The following BCAR1 variants were observed in gnomAD, a reference collection of about 807,000 sequenced individuals.
The protein encoded by BCAR1 is BCAR1 scaffold protein, Cas family member, also known as breast cancer anti-estrogen resistance protein 1.
In BCAR1, 30 loss-of-function variants were observed where a neutral mutation model predicts 67.6. The ratio of observed to expected loss-of-function variants is 0.44; its 90% CI spans 0.33 to 0.60. BCAR1 has a LOEUF of 0.60. BCAR1 is among the 20% of genes least tolerant of loss of function. BCAR1 has a pLI of 0.02. For missense variants in BCAR1, 1,313 were observed against 1,222.3 expected (o/e 1.07, Z -1.11); for synonymous variants, 626 against 556.7 (o/e 1.12, Z -1.75).
rs943933114 is a variant in BCAR1 at position 75,230,155 on chromosome 16, C to T, written c.2101-132G>A. ...CAGAGTGCATGGGACTGCAGGGAAA[C>T]GGGCAGTCTCCTCTCCCGGGGACGG... On this transcript the variant is annotated intron_variant, in intron 6 of 6. Transcript: ENST00000162330. 30 of 1,135,228 alleles carry T rather than the reference C, an allele frequency of 2.6e-5. 1 individual carries two copies. The Admixed American group carries it at 5.8e-4, about 22-fold the overall frequency. 70.3% of individuals were successfully genotyped at this position (1,135,228 alleles called of 1,614,324 possible).
chr16:75,252,344 T>C, upstream of BCAR1: 1 of 1,532,696 alleles, frequency 6.5e-7, no homozygotes, highest in Non-Finnish European at 8.7e-7. Flanking sequence ...CCTAGTACCC[T>C]CCTGAGTCCT....
chr16:75,248,202 G>A, intron 1 of BCAR1: 1 of 1,557,688 alleles, frequency 6.4e-7, no homozygotes. Flanking sequence ...GTGACGCCTG[G>A]GTTCGTGGAA....
At chr16:75,230,513 A>G (rs2076867293) in intron 6 of BCAR1, among the ~76,000 whole-genome samples, 1 of 152,238 alleles carries the variant, frequency 6.6e-6, no homozygotes, top group Non-Finnish European at 1.5e-5. Flanking sequence ...ATTCAAATAT[A>G]TCAAACAGAA....
chr16:75,254,081 G>A (rs1008117175), upstream of BCAR1, among the ~76,000 whole-genome samples: 5 of 152,062 alleles, frequency 3.3e-5, no homozygotes, highest in East Asian at 1.9e-4. Flanking sequence ...GATTATAGGC[G>A]TGAGCCACTG....
chr16:75,253,082 G>A (rs2077711199), upstream of BCAR1, among the ~76,000 whole-genome samples: 1 of 152,216 alleles, frequency 6.6e-6, no homozygotes, highest in Non-Finnish European at 1.5e-5. Context: ...GAACAGAACA[G>A]CTAGCCAACA....
chr16:75,238,836 G>C (rs1009763637), intron 2 of BCAR1: 1 of 985,320 alleles, frequency 1.0e-6, no homozygotes, highest in African/African-American at 1.7e-5. Context: ...GACGTGGCAG[G>C]TTGGCTGGGC....
At chr16:75,238,382 G>C in intron 2 of BCAR1, 1 of 1,094,822 alleles carries the variant, frequency 9.1e-7, no homozygotes, top group Non-Finnish European at 1.1e-6. Context: ...GGGGATGTCT[G>C]GGACAGGGTT....
chr16:75,256,291 C>G (rs2077772289), upstream of BCAR1: 1 of 152,444 alleles, frequency 6.6e-6, no homozygotes, highest in Non-Finnish European at 1.5e-5. Context: ...CAAGCTGGAG[C>G]TGTTACCATA....
intron 1 of BCAR1, among the ~76,000 whole-genome samples, chr16:75,260,281 G>T (rs1017209926): frequency 6.6e-6 from 1 of 152,180 alleles, no homozygotes; most frequent in Non-Finnish European, 1.5e-5. Flanking sequence ...ACTTAAGCCA[G>T]GGTGATAGAG....
intron 1 of BCAR1, chr16:75,266,840 G>C: frequency 7.9e-7 from 1 of 1,266,158 alleles, no homozygotes; most frequent in Non-Finnish European, 1.0e-6. Context: ...GCCCACCCCA[G>C]GGAGGAAAGA....
upstream of BCAR1, chr16:75,251,933 C>G: frequency 1.9e-6 from 1 of 540,132 alleles, no homozygotes; most frequent in Non-Finnish European, 3.3e-6. Flanking sequence ...GCAAACTCCT[C>G]CACTTCTGGG....
rs555514187 is a variant in BCAR1, at chr16:75,259,620, A to C, written c.66+8295T>G. 2.6e-5 allele frequency among the ~76,000 whole-genome samples: 4 copies of C among 152,294 alleles called. No individual in the cohort carries two copies. In the South Asian group the frequency reaches 8.3e-4, roughly 32 times the overall value. The stretch of plus-strand genomic sequence containing the variant: ...GTAATCCTAGCCCTTTGGGAGGCGA[A>C]AGCGGGCGGATCACGAGGTCAGGAG... On this transcript the variant is annotated intron_variant, in intron 1 of 6. Transcript: ENST00000393422.
rs74660205 is a variant in BCAR1, at chr16:75,265,479, G to A, written c.66+2436C>T. On this transcript the variant is annotated intron_variant, in intron 1 of 6. Transcript: ENST00000393422. ...GCTAGGCCTAGCCGTCCTGGTGCGG[G>A]GTCCTGGCGGGCAACAGACTCCTGC... Among the ~76,000 whole-genome samples the A allele has an allele frequency of 3.3e-3, 501 of 152,260 alleles. 3 individuals are homozygous for A. The highest frequency in any genetic ancestry group is 8.1e-3 in the African/African-American group (338 of 41,552).
chr16:75,229,451 G>C lies in BCAR1; in HGVS notation c.*60C>G. On this transcript the variant is annotated 3_prime_UTR_variant, in exon 7 of 7. Coordinates refer to ENST00000162330, the MANE Select transcript of BCAR1 (RefSeq NM_014567.5). Reference sequence around the variant, plus strand: ...CTGTGGCACAGCGACTCTTGACATGGGAGCCAGGGAGCTGGGACCGCCGCA... The same window carrying C: ...CTGTGGCACAGCGACTCTTGACATGCGAGCCAGGGAGCTGGGACCGCCGCA... 6.9e-7 allele frequency: 1 copy of C among 1,455,972 alleles called. No homozygotes were observed. Among genetic ancestry groups the C allele is most frequent in the Non-Finnish European group, 9.1e-7 (1 of 1,104,910 alleles). 90.2% of individuals were successfully genotyped at this position (1,455,972 alleles called of 1,614,324 possible).
chr16:75,232,536 T>A (rs1449898613), intron 6 of BCAR1, among the ~76,000 whole-genome samples: 1 of 152,210 alleles, frequency 6.6e-6, no homozygotes, highest in Non-Finnish European at 1.5e-5. Context: ...CCTCAAGTGA[T>A]CCTCCTGCCT....
Position 75,235,229 on chromosome 16 carries a change from G to T in BCAR1, c.1670C>A (p.Ala557Glu). The change falls in exon 5 of 7, where the codon GCA (alanine) becomes GAA (glutamate). Residue 557 changes from alanine to glutamate, a missense_variant. Coordinates refer to ENST00000162330, the MANE Select transcript of BCAR1 (RefSeq NM_014567.5). ...KMEDVHQTLVAHGQALDAGRG... is the reference protein window; with the variant it reads ...KMEDVHQTLVEHGQALDAGRG... ...GCCAGCGTCGAGGGCCTGACCATGT[G>T]CCACCAGCGTCTGGTGCACGTCCTC... 1 of 1,606,982 alleles carries T rather than the reference G, an allele frequency of 6.2e-7. No homozygotes were observed. Among genetic ancestry groups the T allele is most frequent in the South Asian group, 1.1e-5 (1 of 90,972 alleles).
rs147754824 is a variant in BCAR1, at chr16:75,235,108, C to G, written c.1791G>C (p.Leu597=). The change falls in exon 5 of 7, where the codon CTG becomes CTC. Residue 597 remains leucine (L), a synonymous_variant. Transcript: ENST00000162330. The stretch of plus-strand genomic sequence containing the variant: ...TGAAGAGCAGTGAGGCATTGCCGTG[C>G]AGGAAGGAGGCCAGCTGCTTGGCGT... ...PEDAKQLASF[L]HGNASLLFRR... 6.2e-7 allele frequency: 1 copy of G among 1,611,712 alleles called. No individual in the cohort carries two copies. Among genetic ancestry groups the G allele is most frequent in the Admixed American group, 1.7e-5 (1 of 60,024 alleles).
In BCAR1 at chr16:75,243,188, G is replaced by C. The variant is rs2077410712; in HGVS notation, c.13-98C>G. On this transcript the variant is annotated intron_variant, in intron 1 of 6. Coordinates refer to ENST00000162330, the MANE Select transcript of BCAR1 (RefSeq NM_014567.5). ...CTGCTCTGGGGAGGTGCCCAGCTTTGATACTAGGAAAAGAACTCAGTGGAG... is the reference window on the plus strand; with the variant it reads ...CTGCTCTGGGGAGGTGCCCAGCTTTCATACTAGGAAAAGAACTCAGTGGAG... The C allele has an allele frequency of 2.3e-6, 3 of 1,280,212 alleles. No individual in the cohort carries two copies. The Admixed American group carries it at 7.3e-5, about 31-fold the overall frequency. The allele number at this position is 1,280,212 out of a possible 1,614,324, so 79.3% of individuals were successfully genotyped here.
chr16:75,242,191 G>A (rs547019033), intron 2 of BCAR1, among the ~76,000 whole-genome samples: 1 of 152,368 alleles, frequency 6.6e-6, no homozygotes, highest in East Asian at 1.9e-4. Context: ...CCTGCCCACT[G>A]GAACGCCTCA....
Sources: allele counts gnomAD v4.1 joint callset (sites outside exome capture counted in the v4.1 genomes callset), GRCh38; gene constraint gnomAD v4.1.1; transcripts MANE v1.5; gene names NCBI Gene and HGNC (gene_info 2026-07-23, HGNC 2026-07-21).